Variants in NWD2 observed in about 807,000 individuals in gnomAD.
The protein encoded by NWD2 is NACHT and WD repeat domain containing 2.
NWD2 carries 37 observed loss-of-function variants against 132.7 expected under a neutral mutation model. The observed-to-expected ratio is 0.28, with a 90% CI of 0.21 to 0.37. The LOEUF is 0.37. Ranked by LOEUF, NWD2 falls within the 10% of genes least tolerant of loss-of-function variation. NWD2 has a pLI of 1.00. For synonymous variants in NWD2, 705 were observed against 803.0 expected (o/e 0.88, Z 2.06); for missense variants, 1,592 against 2,122.4 (o/e 0.75, Z 4.91).
At chr4:37,272,576 C>T (rs931699307) in intron 1 of NWD2, among the ~76,000 whole-genome samples, 14 of 151,596 alleles carry the variant, frequency 9.2e-5, no homozygotes, top group East Asian at 1.9e-4. Context: ...TGTGCATATT[C>T]GTTTTTTATT....
intron 5 of NWD2, among the ~76,000 whole-genome samples, chr4:37,437,300 G>A (rs1712346412): frequency 6.6e-6 from 1 of 152,150 alleles, no homozygotes; most frequent in Non-Finnish European, 1.5e-5. Context: ...ACAGATGGCT[G>A]TCTTCTTGCT....
intron 3 of NWD2, among the ~76,000 whole-genome samples, chr4:37,409,085 C>T (rs929315789): frequency 6.6e-6 from 1 of 152,068 alleles, no homozygotes; most frequent in African/African-American, 2.4e-5. Flanking sequence ...ATTCCAAAAA[C>T]CAGAATGCCT....
chr4:37,311,726 T>A (rs1221661266), intron 1 of NWD2, among the ~76,000 whole-genome samples: 1 of 148,900 alleles, frequency 6.7e-6, no homozygotes, highest in Non-Finnish European at 1.5e-5. Flanking sequence ...GGAATGGTAA[T>A]GCCTAGGTTT....
At chr4:37,347,113 G>A (rs373432938) in intron 2 of NWD2, among the ~76,000 whole-genome samples, 1 of 151,744 alleles carries the variant, frequency 6.6e-6, no homozygotes, top group East Asian at 1.9e-4. Context: ...CCACAAATTT[G>A]TAAATTTCCT....
chr4:37,266,421 G>A (rs936789994), intron 1 of NWD2, among the ~76,000 whole-genome samples: 1 of 152,020 alleles, frequency 6.6e-6, no homozygotes, highest in Non-Finnish European at 1.5e-5. Flanking sequence ...GGCAGTAGTC[G>A]ATGTAGCTAC....
At position 37,399,658 on chromosome 4, in the gene NWD2, G is replaced by A. The variant is rs370826377; in HGVS notation, c.358-30914G>A. ...GTGACCTCTGACTCAATCTTTTGGG[G>A]TGGTAACATGGTTTTCTTTTTTATC... On this transcript the variant is annotated intron_variant, in intron 3 of 6. Transcript: ENST00000309447. 2.0e-5 allele frequency among the ~76,000 whole-genome samples: 3 copies of A among 152,242 alleles called. No individual in the cohort carries two copies. The East Asian group carries it at 5.8e-4, about 29-fold the overall frequency.
At chr4:37,390,190 C>T (rs1287869325) in intron 3 of NWD2, among the ~76,000 whole-genome samples, 1 of 151,956 alleles carries the variant, frequency 6.6e-6, no homozygotes, top group East Asian at 1.9e-4. Flanking sequence ...GCCAAATTGG[C>T]TAGGGCAGTG....
intron 1 of NWD2, among the ~76,000 whole-genome samples, chr4:37,268,887 G>T (rs913160705): frequency 4.6e-5 from 7 of 151,816 alleles, no homozygotes; most frequent in African/African-American, 1.4e-4. Flanking sequence ...ACTCTGCATA[G>T]CCCAGCGGCA....
Position 37,444,234 on chromosome 4 carries a change from A to G in NWD2, c.2246A>G (p.Asp749Gly), listed in dbSNP as rs1276102142. ...LIAQKLYLQD[D>G]NDLREMHTIL... is the part of the protein sequence containing the mutation. The stretch of plus-strand genomic sequence containing the variant: ...GCCCAGAAGCTATATCTGCAGGATG[A>G]CAATGACCTGCGTGAAATGCACACC... Residue 749 changes from aspartate to glycine, a missense_variant, in exon 7 of 7, where the codon GAC (aspartate) becomes GGC (glycine). Around this residue, in one of 7 missense-constraint regions of NWD2, gnomAD observed 1,071 missense variants for 1,398.0 expected, o/e 0.77. Transcript: ENST00000309447. The surrounding 1 kb of genome is among the most constrained non-coding windows in gnomAD (Gnocchi z 4.8). 6.4e-7 allele frequency: 1 copy of G among 1,551,734 alleles called. No homozygotes were observed. The highest frequency in any genetic ancestry group is 1.2e-5 in the South Asian group (1 of 84,056).
chr4:37,357,994 G>A (rs183217276), intron 3 of NWD2, among the ~76,000 whole-genome samples: 1 of 152,142 alleles, frequency 6.6e-6, no homozygotes, highest in Non-Finnish European at 1.5e-5. Flanking sequence ...AGTATGAATA[G>A]GGAGGAGGGC....
chr4:37,322,429 C>T (rs551788860), intron 1 of NWD2, among the ~76,000 whole-genome samples: 18 of 152,086 alleles, frequency 1.2e-4, no homozygotes, highest in South Asian at 6.2e-4. Context: ...CATTCCAGGA[C>T]GACATCATAG....
chr4:37,444,529 C>T lies in NWD2; in HGVS notation c.2541C>T (p.Thr847=), dbSNP rs200359097. Residue 847 remains threonine, a synonymous_variant, in exon 7 of 7, where the codon ACC becomes ACT. Coordinates refer to ENST00000309447, the MANE Select transcript of NWD2 (RefSeq NM_001144990.2). The surrounding 1 kb of genome is among the most constrained non-coding windows in gnomAD (Gnocchi z 4.8). ...ACCACTTGACGAGGTGTGGAAAAAC[C>T]GATGACCTGCTTTACGGCATCATCA... is the stretch of plus-strand genomic sequence containing the variant. The part of the protein sequence containing the change: ...LLYHLTRCGK[T]DDLLYGIIMN... 1.7e-5 allele frequency: 27 copies of T among 1,551,724 alleles called. No homozygotes were observed. Among genetic ancestry groups the T allele is most frequent in the Middle Eastern group, 1.7e-4 (1 of 5,994 alleles).
At chr4:37,320,745 A>C (rs570895518) in intron 1 of NWD2, among the ~76,000 whole-genome samples, 1 of 152,338 alleles carries the variant, frequency 6.6e-6, no homozygotes, top group South Asian at 2.1e-4. Flanking sequence ...AGGAAAAGAG[A>C]AAGAATCCAG....
chr4:37,275,287 C>G (rs1247442716), intron 1 of NWD2, among the ~76,000 whole-genome samples: 2 of 152,076 alleles, frequency 1.3e-5, no homozygotes, highest in African/African-American at 4.8e-5. Context: ...ACACCAATAA[C>G]AGACAAACAG....
intron 1 of NWD2, among the ~76,000 whole-genome samples, chr4:37,274,690 CT>C: frequency 6.6e-6 from 1 of 151,928 alleles, no homozygotes; most frequent in East Asian, 1.9e-4. Flanking sequence ...CAATAAAATA[CT>C]GGCAAACCAA....
At chr4:37,402,997 T>C (rs564113766) in intron 3 of NWD2, among the ~76,000 whole-genome samples, 1 of 151,650 alleles carries the variant, frequency 6.6e-6, no homozygotes, top group African/African-American at 2.4e-5. Flanking sequence ...ATTAATTCCC[T>C]GAGAGAGAGA....
intron 1 of NWD2, among the ~76,000 whole-genome samples, chr4:37,252,753 C>G (rs867295818): frequency 6.6e-6 from 1 of 152,168 alleles, no homozygotes; most frequent in Non-Finnish European, 1.5e-5. Flanking sequence ...TTTCAGGAGT[C>G]CAGCCCAAGA....
intron 1 of NWD2, among the ~76,000 whole-genome samples, chr4:37,247,174 T>C (rs185672744): frequency 2.0e-5 from 3 of 152,268 alleles, no homozygotes; most frequent in East Asian, 3.9e-4. Flanking sequence ...TCAGATTTTA[T>C]CCAAATTGGA....
Position 37,275,623 on chromosome 4 carries a change from A to G in NWD2, c.151+30405A>G, listed in dbSNP as rs561847335. ...AAAAAGAGCCCACATCGCCAAGTCA[A>G]TCCTAAGCCAAAAGAACAAAGCTGG... is the stretch of plus-strand genomic sequence containing the variant. On this transcript the variant is annotated intron_variant, in intron 1 of 6. Transcript: ENST00000309447. Among the ~76,000 whole-genome samples, 545 of 152,308 alleles carry G rather than the reference A, an allele frequency of 3.6e-3. 4 individuals carry two copies. Among genetic ancestry groups the G allele is most frequent in the African/African-American group, 0.012 (511 of 41,564 alleles).
Sources: allele counts gnomAD v4.1 joint callset (sites outside exome capture counted in the v4.1 genomes callset), GRCh38; gene constraint gnomAD v4.1.1; regional missense constraint gnomAD v4.1.1; non-coding constraint Gnocchi (gnomAD v3.1); transcripts MANE v1.5; gene names NCBI Gene and HGNC (gene_info 2026-07-23, HGNC 2026-07-21).